The following ELAC1 variants were observed in gnomAD, a reference collection of about 807,000 sequenced individuals.
The protein encoded by ELAC1 is elaC ribonuclease Z 1.
In ELAC1, 19 loss-of-function variants were observed where a neutral mutation model predicts 25.8. The observed-to-expected ratio is 0.74, with a 90% CI of 0.51 to 1.08. ELAC1 has a LOEUF of 1.08. Among genes scored for constraint, ELAC1 ranks in the 50% least tolerant of loss-of-function variants. The pLI is 0.00. For synonymous variants in ELAC1, 148 were observed against 160.9 expected (o/e 0.92, Z 0.61); for missense variants, 403 against 434.6 (o/e 0.93, Z 0.65).
rs139017314 is a variant in ELAC1, at chr18:50,982,427, G to C, written c.158-1669G>C. On this transcript the variant is annotated intron_variant, in intron 2 of 3. Coordinates refer to ENST00000269466, the MANE Select transcript of ELAC1 (RefSeq NM_018696.3). ...ATGTTATAGAACAAATCACATTACA[G>C]TAAACTATTCCTGTTCTTTTATGGT... 2.6e-3 allele frequency among the ~76,000 whole-genome samples: 400 copies of C among 152,298 alleles called. 2 individuals carry two copies. The highest frequency in any genetic ancestry group is 4.3e-3 in the South Asian group (21 of 4,828).
intron 2 of ELAC1, among the ~76,000 whole-genome samples, chr18:50,978,544 G>A (rs1455061616): frequency 6.6e-6 from 1 of 152,128 alleles, no homozygotes; most frequent in Admixed American, 6.5e-5. Context: ...CTGCTCCCAT[G>A]ATTCAATTAC....
At chr18:50,974,634 A>G (rs1907756799) in intron 2 of ELAC1, 73 bp downstream of exon 2, 2 of 1,472,964 alleles carry the variant, frequency 1.4e-6, no homozygotes, top group Non-Finnish European at 1.9e-6. Context: ...CTCCTTGGAC[A>G]TTTTGTTTAG....
chr18:50,969,905 A>G (rs1429129496), intron 1 of ELAC1: 3 of 152,240 alleles, frequency 2.0e-5, no homozygotes, highest in Non-Finnish European at 2.9e-5. Context: ...AACCTGATCC[A>G]TACATTGCAG....
chr18:50,986,709 TA>T lies in ELAC1; in HGVS notation c.722del (p.Lys241SerfsTer23). ...GTTACAATTTCTCCCCAAGATGTCT[TA>T]AAAAAGCCTATTGTTGGAAGAAAAA... Reference protein sequence around the residue: ...NGVTISPQDVLKKPIVGRKIC... With the variant: ...NGVTISPQDVXKKPIVGRKIC... On this transcript the variant is annotated frameshift_variant, in exon 4 of 4. Transcript: ENST00000269466. LOFTEE classifies it high-confidence loss of function. The T allele has an allele frequency of 6.2e-7, 1 of 1,614,154 alleles. No individual in the cohort carries two copies. Among genetic ancestry groups the T allele is most frequent in the Non-Finnish European group, 8.5e-7 (1 of 1,180,026 alleles).
At position 50,981,668 on chromosome 18, in the gene ELAC1, A is replaced by G. The variant is rs554052881; in HGVS notation, c.158-2428A>G. Among the ~76,000 whole-genome samples, 453 of 152,186 alleles carry G rather than the reference A, an allele frequency of 3.0e-3. 2 individuals are homozygous for G. Among genetic ancestry groups the G allele is most frequent in the African/African-American group, 0.011 (436 of 41,520 alleles). The stretch of plus-strand genomic sequence containing the variant: ...AAAATGAAGTATTTGTCTCCTTGAA[A>G]CTGTGATAACTGTAGGAAGCAGTTT... On this transcript the variant is annotated intron_variant, in intron 2 of 3. Transcript: ENST00000269466.
intron 2 of ELAC1, among the ~76,000 whole-genome samples, chr18:50,983,228 T>C: frequency 8.0e-6 from 1 of 124,816 alleles, no homozygotes. Flanking sequence ...AATGGCACAA[T>C]CTCGACTCAC....
chr18:50,986,625 C>T lies in ELAC1; in HGVS notation c.632C>T (p.Pro211Leu), dbSNP rs184044684. Residue 211 changes from proline to leucine, a missense_variant, in exon 4 of 4, where the codon CCA becomes CTA. Transcript: ENST00000269466. ...NAQKLKDLGV[P>L]PGPAYGKLKN... is the part of the protein sequence containing the mutation. ...TATCTGCCTTCATCATTAGGTGTTC[C>T]ACCAGGTCCTGCCTATGGGAAGCTG... The T allele has an allele frequency of 1.2e-6, 2 of 1,605,546 alleles. No homozygotes were observed. Among genetic ancestry groups the T allele is most frequent in the East Asian group, 4.5e-5 (2 of 44,808 alleles).
Position 50,987,004 on chromosome 18 carries a change from G to A in ELAC1, c.1011G>A (p.Lys337=), listed in dbSNP as rs1908127233. Residue 337 remains lysine, a synonymous_variant, in exon 4 of 4, where the codon AAG becomes AAA. Coordinates refer to ENST00000269466, the MANE Select transcript of ELAC1 (RefSeq NM_018696.3). The stretch of plus-strand genomic sequence containing the variant: ...CAGATGGCATTGCAGAACTAAAAAA[G>A]CAAGCTGAATCAGTGTTAGATCTCC... ...GETDGIAELK[K]QAESVLDLQE... is the part of the protein sequence containing the mutation. 1 of 1,612,390 alleles carries A rather than the reference G, an allele frequency of 6.2e-7. No homozygotes were observed. The highest frequency in any genetic ancestry group is 1.3e-5 in the African/African-American group (1 of 74,838).
At chr18:50,984,049 T>C in intron 2 of ELAC1, 47 bp from the exon 3 acceptor site, 1 of 1,323,388 alleles carries the variant, frequency 7.6e-7, no homozygotes. Context: ...TATGGGTTTT[T>C]AGTTAATGAA....
At chr18:50,974,044 C>G (rs1174432798) in intron 1 of ELAC1, among the ~76,000 whole-genome samples, 1 of 152,226 alleles carries the variant, frequency 6.6e-6, no homozygotes, top group African/African-American at 2.4e-5. Context: ...TGTGCTCTGC[C>G]TGTTCATTCT....
At position 50,974,434 on chromosome 18, in the gene ELAC1, G is replaced by A. The variant is rs762520319; in HGVS notation, c.30G>A (p.Thr10=). The change falls in exon 2 of 4, where the codon ACG becomes ACA. Residue 10 remains threonine, a synonymous_variant. Transcript: ENST00000269466. ...CTATGGATGTGACATTCCTGGGGAC[G>A]GGTGCAGCATACCCATCTCCAACCC... The part of the protein sequence containing the change: MSMDVTFLG[T]GAAYPSPTRG... 3.8e-6 allele frequency: 6 copies of A among 1,563,012 alleles called. No individual in the cohort carries two copies. Among genetic ancestry groups the A allele is most frequent in the East Asian group, 2.3e-5 (1 of 43,514 alleles).
intron 1 of ELAC1, chr18:50,969,564 C>T (rs1907593409): frequency 6.6e-6 from 1 of 152,204 alleles, no homozygotes; most frequent in South Asian, 2.1e-4. Flanking sequence ...GAGAGAATAT[C>T]ACCTTTTGGC....
chr18:50,969,096 T>C (rs1907581769), intron 1 of ELAC1: 1 of 152,236 alleles, frequency 6.6e-6, no homozygotes, highest in Non-Finnish European at 1.5e-5. Flanking sequence ...TACTTAGCAC[T>C]TCATTTTACC....
chr18:50,974,356 C>G, intron 1 of ELAC1, 41 bp from the exon 2 acceptor site: 6 of 1,478,800 alleles, frequency 4.1e-6, no homozygotes, highest in Non-Finnish European at 5.4e-6. Context: ...GTTTTTGGTA[C>G]AGTGATATGA....
intron 2 of ELAC1, among the ~76,000 whole-genome samples, chr18:50,983,169 T>TTG (rs1399498709): frequency 1.4e-5 from 2 of 140,792 alleles, no homozygotes; most frequent in Non-Finnish European, 3.1e-5. Flanking sequence ...TTTTTTTTTT[T>TTG]TTTTTTTTTT....
chr18:50,979,196 A>G (rs965497593), intron 2 of ELAC1, among the ~76,000 whole-genome samples: 2 of 152,226 alleles, frequency 1.3e-5, no homozygotes, highest in South Asian at 4.1e-4. Flanking sequence ...CTAATAATGC[A>G]TAACAGATTA....
At chr18:50,969,557 A>C (rs1353933171) in intron 1 of ELAC1, 6 of 152,240 alleles carry the variant, frequency 3.9e-5, no homozygotes, top group African/African-American at 1.2e-4. Context: ...AAGAAATGAG[A>C]GAATATCACC....
At chr18:50,978,098 C>T (rs192195414) in intron 2 of ELAC1, among the ~76,000 whole-genome samples, 79 of 152,284 alleles carry the variant, frequency 5.2e-4, no homozygotes, top group Middle Eastern at 3.4e-3. Context: ...CCAAACTTTC[C>T]CATGTCTTCC....
At chr18:50,981,315 T>C (rs1210418659) in intron 2 of ELAC1, among the ~76,000 whole-genome samples, 1 of 152,106 alleles carries the variant, frequency 6.6e-6, no homozygotes, top group Non-Finnish European at 1.5e-5. Flanking sequence ...TACATAGATA[T>C]GGTGATAGTA....
Sources: gnomAD v4.1 joint callset for allele counts (sites outside exome capture counted in the v4.1 genomes callset) on GRCh38, gnomAD v4.1.1 for gene constraint, MANE v1.5 for transcripts, NCBI Gene and HGNC (gene_info 2026-07-23, HGNC 2026-07-21) for gene names.